DCAF8: variants seen among roughly 807,000 people sequenced by gnomAD.
DCAF8 encodes the protein DDB1- and CUL4-associated factor 8.
DCAF8 carries 20 observed loss-of-function variants against 68.0 expected under a neutral mutation model. The observed-to-expected ratio is 0.29, with a 90% confidence interval of 0.21 to 0.43. The LOEUF (loss-of-function observed/expected upper bound fraction) is 0.43. Among genes scored for constraint, DCAF8 ranks in the 20% least tolerant of loss-of-function variants. The pLI, the probability that DCAF8 is intolerant of heterozygous loss-of-function variation, is 1.00. For synonymous variants in DCAF8, 230 were observed against 276.9 expected, an observed-to-expected ratio of 0.83 and a Z score of 1.68; for missense variants, 460 against 771.0, an observed-to-expected ratio of 0.60 and a Z score of 4.78.
chr1:160,258,284 T>C lies in DCAF8; in HGVS notation c.-27+3001A>G, dbSNP rs148402624. Among the ~76,000 whole-genome samples the C allele has an allele frequency of 2.6e-5, 4 of 152,078 alleles. No individual in the cohort carries two copies. The East Asian group carries it at 5.9e-4, about 22-fold the overall frequency. ...ATCACCTAAGCCCAAGAGGTCGAGG[T>C]TGCAGTGAGCCATGATAGTGCCACT... is the stretch of plus-strand genomic sequence containing the variant. On this transcript the variant is annotated intron_variant, in intron 2 of 13. Coordinates refer to ENST00000368074, the MANE Select transcript of DCAF8 (RefSeq NM_015726.4).
At chr1:160,237,043 C>A (rs927291869) in intron 6 of DCAF8, 92 bp downstream of exon 6, 1 of 864,438 alleles carries the variant, frequency 1.2e-6, no homozygotes, top group Admixed American at 3.0e-5. Context: ...AGGTACTATT[C>A]GGATGAACCA....
At chr1:160,245,561 G>C (rs1656290590) in intron 2 of DCAF8, among the ~76,000 whole-genome samples, 1 of 152,190 alleles carries the variant, frequency 6.6e-6, no homozygotes, top group African/African-American at 2.4e-5. Context: ...GGTGGGAATA[G>C]AAATACTGCA....
At chr1:160,244,289 TGGCAG>T in intron 2 of DCAF8, among the ~76,000 whole-genome samples, 1 of 152,344 alleles carries the variant, frequency 6.6e-6, no homozygotes, top group Middle Eastern at 3.4e-3. Context: ...ACTGAGTAAC[TGGCAG>T]TGATTTTTCA....
chr1:160,227,575 T>C (rs74388939), intron 7 of DCAF8, among the ~76,000 whole-genome samples: 2,418 of 152,290 alleles, frequency 0.016, 63 homozygotes, highest in African/African-American at 0.049. Flanking sequence ...TATTAATAGC[T>C]TACTATATTC....
rs768584326 is a variant in DCAF8 at position 160,236,446 on chromosome 1, G to GTGTA, written c.959+688_959+689insTACA. Among the ~76,000 whole-genome samples the GTGTA allele has an allele frequency of 1.8e-3, 265 of 149,700 alleles. 2 individuals carry two copies. In the East Asian group the frequency reaches 0.026, roughly 15 times the overall value. ...TGTGTGTGTGTATGTGTGTGTGTGTGTATATATATATATATCCTCACAGAA... is the reference window on the plus strand; with the variant it reads ...TGTGTGTGTGTATGTGTGTGTGTGTGTGTATATATATATATATATCCTCACAGAA... On this transcript the variant is annotated intron_variant, in intron 6 of 13. Transcript: ENST00000368074.
At chr1:160,231,941 T>G (rs572087758) in intron 6 of DCAF8, among the ~76,000 whole-genome samples, 203 of 151,968 alleles carry the variant, frequency 1.3e-3, no homozygotes, top group African/African-American at 4.8e-3. Context: ...CTGTAATCCC[T>G]ACACTTTGGG....
At chr1:160,225,023 G>T in intron 9 of DCAF8, 39 bp downstream of exon 9, 2 of 1,604,538 alleles carry the variant, frequency 1.2e-6, no homozygotes, top group Non-Finnish European at 1.7e-6. Context: ...CTAGACAGAG[G>T]GGGCATGCCA....
chr1:160,245,854 T>TG (rs1407155174), intron 2 of DCAF8, among the ~76,000 whole-genome samples: 2 of 152,138 alleles, frequency 1.3e-5, no homozygotes, highest in Non-Finnish European at 2.9e-5. Flanking sequence ...TCCTATCAAG[T>TG]GGGGAAAATG....
At chr1:160,260,605 G>C (rs1018526417) in intron 2 of DCAF8, among the ~76,000 whole-genome samples, 1 of 152,090 alleles carries the variant, frequency 6.6e-6, no homozygotes, top group African/African-American at 2.4e-5. Flanking sequence ...GCATTTATAA[G>C]TATGTTCTGA....
chr1:160,248,606 G>A (rs1048891071), intron 2 of DCAF8, among the ~76,000 whole-genome samples: 4 of 151,854 alleles, frequency 2.6e-5, no homozygotes, highest in East Asian at 3.9e-4. Flanking sequence ...ATGATGGTGC[G>A]TGCCTGTAAT....
chr1:160,224,974 A>C, intron 9 of DCAF8, 88 bp downstream of exon 9: 1 of 1,250,906 alleles, frequency 8.0e-7, no homozygotes, highest in Non-Finnish European at 1.2e-6. Flanking sequence ...CACAGTGGTG[A>C]GCACTGGAGG....
chr1:160,256,024 T>A (rs867653028), intron 2 of DCAF8, among the ~76,000 whole-genome samples: 3,225 of 146,472 alleles, frequency 0.022, 145 homozygotes, highest in African/African-American at 0.077. Context: ...TTTTTTTTTT[T>A]TTTTTTTTTT....
At chr1:160,221,578 C>A (rs1453877656) in intron 11 of DCAF8, among the ~76,000 whole-genome samples, 2 of 152,038 alleles carry the variant, frequency 1.3e-5, no homozygotes, top group Admixed American at 6.5e-5. Context: ...AATTCTAAAA[C>A]CACTCTCTGA....
chr1:160,250,090 C>G (rs1228165388), intron 2 of DCAF8, among the ~76,000 whole-genome samples: 4 of 152,094 alleles, frequency 2.6e-5, no homozygotes, highest in African/African-American at 9.7e-5. Context: ...ATGCCTTTGT[C>G]AGAATTAAAA....
chr1:160,223,799 G>C (rs1475187798), intron 10 of DCAF8, among the ~76,000 whole-genome samples: 1 of 152,202 alleles, frequency 6.6e-6, no homozygotes, highest in African/African-American at 2.4e-5. Flanking sequence ...TCACGAGGCT[G>C]AAGTGGGAAG....
chr1:160,236,331 C>T (rs75343243), intron 6 of DCAF8, among the ~76,000 whole-genome samples: 9,240 of 151,106 alleles, frequency 0.061, 892 homozygotes, highest in African/African-American at 0.21. Flanking sequence ...TATATAAATA[C>T]ATATGTGTGT....
At chr1:160,237,044 G>C in intron 6 of DCAF8, 91 bp downstream of exon 6, 5 of 874,914 alleles carry the variant, frequency 5.7e-6, no homozygotes, top group Non-Finnish European at 8.7e-6. Flanking sequence ...GGTACTATTC[G>C]GATGAACCAG....
intron 13 of DCAF8, 58 bp downstream of exon 13, chr1:160,218,266 T>G (rs1655188707): frequency 3.6e-6 from 5 of 1,391,104 alleles, no homozygotes; most frequent in Non-Finnish European, 5.1e-6. Context: ...ACTCTGGAAC[T>G]TTTTAGCCCT....
intron 11 of DCAF8, 107 bp downstream of exon 11, chr1:160,222,543 TA>T: frequency 1.4e-6 from 2 of 1,469,952 alleles, no homozygotes; most frequent in Non-Finnish European, 1.9e-6. Flanking sequence ...GCTGGACCTC[TA>T]AAACATGGTA....
Sources: allele counts gnomAD v4.1 joint callset (sites outside exome capture counted in the v4.1 genomes callset), GRCh38; gene constraint gnomAD v4.1.1; transcripts MANE v1.5; gene names NCBI Gene and HGNC (gene_info 2026-07-23, HGNC 2026-07-21).